Variants in EEFSEC observed in about 807,000 individuals in gnomAD.
EEFSEC encodes selenocysteine-specific elongation factor.
EEFSEC carries 43 observed loss-of-function variants against 42.1 expected under a neutral mutation model. The ratio of observed to expected loss-of-function variants is 1.02; its 90% CI spans 0.80 to 1.32. EEFSEC has a LOEUF of 1.32. Ranked by LOEUF, EEFSEC falls within the 40% of genes most tolerant of loss-of-function variation. The pLI, the probability that EEFSEC is intolerant of heterozygous loss-of-function variation, is 0.00. For missense variants in EEFSEC, 745 were observed against 803.6 expected, an observed-to-expected ratio of 0.93 and a Z score of 0.88; for synonymous variants, 354 against 339.1, an observed-to-expected ratio of 1.04 and a Z score of -0.48.
chr3:128,287,211 T>TTGTCTTGAAGCGTGAAGCCCTTCCTGC (rs1199186896), intron 4 of EEFSEC, among the ~76,000 whole-genome samples: 6 of 152,166 alleles, frequency 3.9e-5, no homozygotes. Flanking sequence ...ATGTCCCCCT[T>TTGTCTTGAAGCGTGAAGCCCTTCCTGC]TGTCTTGAAG....
At chr3:128,355,648 C>T (rs891636893) in intron 5 of EEFSEC, among the ~76,000 whole-genome samples, 2 of 149,876 alleles carry the variant, frequency 1.3e-5, no homozygotes, top group African/African-American at 4.9e-5. Flanking sequence ...CATGAGTGAG[C>T]CTTGCAAATG....
chr3:128,323,105 T>C (rs1229225918), intron 4 of EEFSEC, among the ~76,000 whole-genome samples: 1 of 152,248 alleles, frequency 6.6e-6, no homozygotes, highest in African/African-American at 2.4e-5. Flanking sequence ...TCTGAATGCA[T>C]GACAGCTTTT....
intron 4 of EEFSEC, among the ~76,000 whole-genome samples, chr3:128,289,257 C>T (rs1379131016): frequency 6.6e-6 from 1 of 152,162 alleles, no homozygotes; most frequent in Non-Finnish European, 1.5e-5. Flanking sequence ...TATAGGTTCC[C>T]CACTCCCGCT....
chr3:128,425,779 C>T, the EEFSEC span, among the ~76,000 whole-genome samples: 1 of 152,184 alleles, frequency 6.6e-6, no homozygotes, highest in African/African-American at 2.4e-5. Context: ...ACACGCGGGA[C>T]CATCTGGCTG....
intron 4 of EEFSEC, among the ~76,000 whole-genome samples, chr3:128,277,202 C>T (rs886333270): frequency 6.6e-6 from 1 of 152,118 alleles, no homozygotes; most frequent in Non-Finnish European, 1.5e-5. Flanking sequence ...CCTGAGTGTG[C>T]GTAAAGCCAA....
intron 1 of EEFSEC, among the ~76,000 whole-genome samples, chr3:128,239,571 A>G (rs2999077): frequency 0.86 from 130,551 of 152,160 alleles, 56,231 homozygotes; most frequent in East Asian, 0.99. Flanking sequence ...CCAAGCTGCC[A>G]CCCCGTTCCT....
the EEFSEC span, among the ~76,000 whole-genome samples, chr3:128,414,920 A>G: frequency 6.6e-6 from 1 of 152,132 alleles, no homozygotes. Flanking sequence ...ATGATCCCAA[A>G]GCTACATCAG....
intron 6 of EEFSEC, among the ~76,000 whole-genome samples, chr3:128,376,458 G>T (rs868023253): frequency 2.0e-5 from 3 of 152,108 alleles, no homozygotes; most frequent in African/African-American, 7.2e-5. Context: ...GGACTGCTGG[G>T]GTTTCTTCCC....
At chr3:128,208,782 G>T (rs2065726285) in intron 1 of EEFSEC, among the ~76,000 whole-genome samples, 1 of 152,232 alleles carries the variant, frequency 6.6e-6, no homozygotes, top group Non-Finnish European at 1.5e-5. Context: ...AGGGGCCTGT[G>T]AGAACTGCGA....
intron 1 of EEFSEC, among the ~76,000 whole-genome samples, chr3:128,155,227 G>T (rs1944356771): frequency 6.6e-6 from 1 of 152,090 alleles, no homozygotes; most frequent in African/African-American, 2.4e-5. Flanking sequence ...CGATTCTCCT[G>T]CCTCAGCCTC....
At chr3:128,365,138 T>TCCC (rs2067574359) in intron 6 of EEFSEC, among the ~76,000 whole-genome samples, 1 of 152,208 alleles carries the variant, frequency 6.6e-6, no homozygotes, top group South Asian at 2.1e-4. Flanking sequence ...TCCTCCTCTG[T>TCCC]CCCTCATCAC....
chr3:128,161,313 C>T (rs1029355715), intron 1 of EEFSEC, among the ~76,000 whole-genome samples: 2 of 151,974 alleles, frequency 1.3e-5, no homozygotes, highest in Admixed American at 6.6e-5. Flanking sequence ...CTCAATCTAA[C>T]TCTGGCAGGA....
chr3:128,409,733 T>TC (rs1051427740), downstream of EEFSEC, among the ~76,000 whole-genome samples: 14 of 152,254 alleles, frequency 9.2e-5, no homozygotes, highest in African/African-American at 3.1e-4. Context: ...AGGAGCCGAC[T>TC]CCCCCTCTAC....
intron 6 of EEFSEC, among the ~76,000 whole-genome samples, chr3:128,382,697 C>G (rs1385207073): frequency 6.6e-6 from 1 of 152,170 alleles, no homozygotes; most frequent in Non-Finnish European, 1.5e-5. Context: ...CCCTCTTCCC[C>G]TACCCCTGCC....
At chr3:128,322,566 G>A (rs577471109) in intron 4 of EEFSEC, among the ~76,000 whole-genome samples, 5 of 152,248 alleles carry the variant, frequency 3.3e-5, no homozygotes, top group East Asian at 3.8e-4. Context: ...TGTGGCATCC[G>A]TGGCCTGAAT....
At chr3:128,333,447 G>A (rs2108061821) in intron 4 of EEFSEC, among the ~76,000 whole-genome samples, 1 of 152,264 alleles carries the variant, frequency 6.6e-6, no homozygotes, top group African/African-American at 2.4e-5. Flanking sequence ...GTGTTTTTCT[G>A]GTGTGATGTA....
chr3:128,264,514 C>A, intron 3 of EEFSEC, 103 bp from the exon 4 acceptor site: 2 of 1,359,930 alleles, frequency 1.5e-6, no homozygotes, highest in South Asian at 1.3e-5. Context: ...TTCACCTTGG[C>A]AGCCTTGATG....
intron 4 of EEFSEC, among the ~76,000 whole-genome samples, chr3:128,308,524 G>T (rs16843754): frequency 6.4e-4 from 98 of 152,266 alleles, no homozygotes; most frequent in Non-Finnish European, 1.2e-3. Flanking sequence ...CCATTTAATC[G>T]CACAGCTATT....
intron 6 of EEFSEC, among the ~76,000 whole-genome samples, chr3:128,375,741 CTCT>C (rs1397945101): frequency 1.3e-5 from 2 of 152,204 alleles, no homozygotes; most frequent in African/African-American, 4.8e-5. Context: ...GGACAGAGAG[CTCT>C]GAATCCCAGG....
Sources: gnomAD v4.1 joint callset for allele counts (sites outside exome capture counted in the v4.1 genomes callset) on GRCh38, gnomAD v4.1.1 for gene constraint, MANE v1.5 for transcripts, NCBI Gene and HGNC (gene_info 2026-07-23, HGNC 2026-07-21) for gene names.